Variants in SREK1IP1 observed in about 807,000 individuals in gnomAD.
SREK1IP1 encodes protein SREK1IP1.
Under a neutral mutation model 22.8 loss-of-function variants are expected in SREK1IP1, and 12 were observed. That is an observed-to-expected ratio of 0.53 (90% CI 0.34 to 0.85). The LOEUF (loss-of-function observed/expected upper bound fraction) is 0.85. SREK1IP1 is among the 40% of genes least tolerant of loss of function. The pLI is 0.02. For missense variants in SREK1IP1, 147 were observed against 171.8 expected (o/e 0.86, Z 0.81); for synonymous variants, 53 against 52.7 (o/e 1.01, Z -0.02).
intron 1 of SREK1IP1, among the ~76,000 whole-genome samples, chr5:64,756,073 T>A (rs562439057): frequency 6.6e-6 from 1 of 152,208 alleles, no homozygotes; most frequent in South Asian, 2.1e-4. Flanking sequence ...AATACAGTAA[T>A]CCTGTATAAT....
intron 3 of SREK1IP1, among the ~76,000 whole-genome samples, chr5:64,740,846 T>C (rs1404143980): frequency 6.6e-6 from 1 of 152,128 alleles, no homozygotes; most frequent in Non-Finnish European, 1.5e-5. Context: ...AAACATAAGC[T>C]GTGTGTCAGA....
intron 2 of SREK1IP1, among the ~76,000 whole-genome samples, chr5:64,744,890 T>G (rs1742607181): frequency 6.6e-6 from 1 of 152,226 alleles, no homozygotes; most frequent in African/African-American, 2.4e-5. Flanking sequence ...TTTCTTCTAA[T>G]TATCTTATGG....
chr5:64,724,280 G>A lies in SREK1IP1; in HGVS notation c.*104C>T. 2.0e-6 allele frequency: 2 copies of A among 995,468 alleles called. No individual in the cohort carries two copies. Among genetic ancestry groups the A allele is most frequent in the Non-Finnish European group, 2.9e-6 (2 of 690,632 alleles). 61.7% of individuals were successfully genotyped at this position (995,468 alleles called of 1,614,324 possible). Reference sequence around the variant, plus strand: ...ATACGAAAAATGTCTATATGGAAAAGGCTGTGATTTATTGCAAAGCATAAT... The same window carrying A: ...ATACGAAAAATGTCTATATGGAAAAAGCTGTGATTTATTGCAAAGCATAAT... On this transcript the variant is annotated 3_prime_UTR_variant, in exon 5 of 5. Coordinates refer to ENST00000513458, the MANE Select transcript of SREK1IP1 (RefSeq NM_173829.4).
rs1742134579 is a variant in SREK1IP1, at chr5:64,720,187, T to G, written c.*4197A>C. 6.6e-6 allele frequency: 1 copy of G among 152,230 alleles called. No individual in the cohort carries two copies. 9.4% of individuals were successfully genotyped at this position (152,230 alleles called of 1,614,324 possible). On this transcript the variant is annotated 3_prime_UTR_variant, in exon 5 of 5. Transcript: ENST00000513458. ...TATTAAAATAGTGATAGAATTTAAG[T>G]CAGTCAAAAATAACCTAAAATACAA... is the stretch of plus-strand genomic sequence containing the variant.
At position 64,723,103 on chromosome 5, in the gene SREK1IP1, G is replaced by A. The variant is rs1366729340; in HGVS notation, c.*1281C>T. On this transcript the variant is annotated 3_prime_UTR_variant, in exon 5 of 5. Coordinates refer to ENST00000513458, the MANE Select transcript of SREK1IP1 (RefSeq NM_173829.4). ...TACAACATAAGCATTTACTTTAGTG[G>A]ACATAAGGGCTACCTAAGTATTAAG... The A allele has an allele frequency of 6.6e-6, 1 of 152,138 alleles. No homozygotes were observed. Among genetic ancestry groups the A allele is most frequent in the Non-Finnish European group, 1.5e-5 (1 of 68,016 alleles). 9.4% of individuals were successfully genotyped at this position (152,138 alleles called of 1,614,324 possible).
intron 3 of SREK1IP1, among the ~76,000 whole-genome samples, chr5:64,729,415 T>C (rs1742338047): frequency 1.3e-5 from 2 of 152,064 alleles, no homozygotes; most frequent in Non-Finnish European, 2.9e-5. Context: ...TAAGAAGAGG[T>C]TGTTGCGGAT....
At chr5:64,746,578 A>G (rs1165882847) in intron 2 of SREK1IP1, among the ~76,000 whole-genome samples, 1 of 152,238 alleles carries the variant, frequency 6.6e-6, no homozygotes, top group Non-Finnish European at 1.5e-5. Context: ...TAAGCACATG[A>G]AAAGATACTT....
chr5:64,745,758 C>T (rs921859466), intron 2 of SREK1IP1, among the ~76,000 whole-genome samples: 1 of 151,838 alleles, frequency 6.6e-6, no homozygotes, highest in Non-Finnish European at 1.5e-5. Context: ...TTGCTTCAAG[C>T]AAAGCGACCC....
chr5:64,759,631 C>G (rs531963674), intron 1 of SREK1IP1, among the ~76,000 whole-genome samples: 49 of 152,090 alleles, frequency 3.2e-4, no homozygotes, highest in Admixed American at 1.5e-3. Flanking sequence ...GAGCAATTAT[C>G]CCTATGTATA....
intron 2 of SREK1IP1, among the ~76,000 whole-genome samples, chr5:64,749,850 T>C (rs182914706): frequency 1.1e-3 from 172 of 152,332 alleles, no homozygotes; most frequent in Non-Finnish European, 1.2e-3. Flanking sequence ...CATGTAACTG[T>C]CCTATGCGCT....
intron 2 of SREK1IP1, among the ~76,000 whole-genome samples, chr5:64,747,401 T>C (rs1742656417): frequency 6.6e-6 from 1 of 152,120 alleles, no homozygotes; most frequent in Admixed American, 6.5e-5. Context: ...GAAAGGGGCA[T>C]GCTATGAATA....
At chr5:64,749,112 C>T (rs1466772283) in intron 2 of SREK1IP1, among the ~76,000 whole-genome samples, 1 of 146,076 alleles carries the variant, frequency 6.8e-6, no homozygotes, top group Non-Finnish European at 1.5e-5. Flanking sequence ...ATAATAAAAA[C>T]CCTCCAGTTT....
chr5:64,753,940 C>CA lies in SREK1IP1; in HGVS notation c.61+374dup, dbSNP rs145074276. Among the ~76,000 whole-genome samples, 352 of 152,218 alleles carry CA rather than the reference C, an allele frequency of 2.3e-3. 3 individuals carry two copies. Among genetic ancestry groups the CA allele is most frequent in the African/African-American group, 8.0e-3 (333 of 41,552 alleles). ...ATCTTTAAAGTAAATGTAATAAACA[C>CA]AAAAAATCTTCATAAATAGTTTGCA... On this transcript the variant is annotated intron_variant, in intron 2 of 4. Transcript: ENST00000513458.
chr5:64,733,323 T>C (rs1742408786), intron 3 of SREK1IP1, among the ~76,000 whole-genome samples: 1 of 152,086 alleles, frequency 6.6e-6, no homozygotes, highest in Non-Finnish European at 1.5e-5. Context: ...GTATAAAGAA[T>C]ATCAACATGT....
At chr5:64,729,387 T>C (rs1052316935) in intron 3 of SREK1IP1, among the ~76,000 whole-genome samples, 1 of 151,954 alleles carries the variant, frequency 6.6e-6, no homozygotes, top group Non-Finnish European at 1.5e-5. Context: ...CAAAAAGAGT[T>C]TGGTGCGTTC....
At chr5:64,750,115 G>A (rs952713979) in intron 2 of SREK1IP1, among the ~76,000 whole-genome samples, 32 of 151,948 alleles carry the variant, frequency 2.1e-4, no homozygotes, top group African/African-American at 7.7e-4. Context: ...GGACAGCCTA[G>A]GTTGTTGGAT....
At chr5:64,733,810 AAAAT>A (rs1170659370) in intron 3 of SREK1IP1, among the ~76,000 whole-genome samples, 1 of 152,170 alleles carries the variant, frequency 6.6e-6, no homozygotes, top group African/African-American at 2.4e-5. Context: ...TCAGAAATAA[AAAAT>A]AACGAATTAG....
Position 64,721,649 on chromosome 5 carries a change from T to C in SREK1IP1, c.*2735A>G, listed in dbSNP as rs1742164577. On this transcript the variant is annotated 3_prime_UTR_variant, in exon 5 of 5. Transcript: ENST00000513458. ...AAAATAATGGCCATAAAGTGCCAGA[T>C]AATCTAGTTCCAGATGCAAACCTAA... 6.6e-6 allele frequency: 1 copy of C among 151,860 alleles called. No homozygotes were observed. Among genetic ancestry groups the C allele is most frequent in the Non-Finnish European group, 1.5e-5 (1 of 67,982 alleles). The allele number at this position is 151,860 out of a possible 1,614,324, so 9.4% of individuals were successfully genotyped here.
intron 2 of SREK1IP1, among the ~76,000 whole-genome samples, chr5:64,747,115 T>C (rs755738312): frequency 6.6e-6 from 1 of 152,206 alleles, no homozygotes; most frequent in Non-Finnish European, 1.5e-5. Context: ...GGCACTTCTG[T>C]GTGTTCACAA....
Sources: allele counts gnomAD v4.1 joint callset (sites outside exome capture counted in the v4.1 genomes callset), GRCh38; gene constraint gnomAD v4.1.1; transcripts MANE v1.5; gene names NCBI Gene and HGNC (gene_info 2026-07-23, HGNC 2026-07-21).